Variants in PRKG1 observed in about 807,000 individuals in gnomAD.
PRKG1 encodes the protein protein kinase cGMP-dependent 1, also known as cGMP-dependent protein kinase 1.
A neutral mutation model predicts 88.1 loss-of-function variants in PRKG1; 35 were observed. The observed-to-expected ratio is 0.40, with a 90% confidence interval of 0.30 to 0.53. The LOEUF (loss-of-function observed/expected upper bound fraction) is 0.53, where lower values mean the gene tolerates loss of function less well. PRKG1 is among the 20% of genes least tolerant of loss of function. The pLI is 0.59. For missense variants in PRKG1, 540 were observed against 839.8 expected (o/e 0.64, Z 4.41); for synonymous variants, 303 against 292.5 (o/e 1.04, Z -0.37).
intron 5 of PRKG1, among the ~76,000 whole-genome samples, chr10:52,003,558 TA>T (rs1274937841): frequency 6.6e-6 from 1 of 152,210 alleles, no homozygotes; most frequent in East Asian, 1.9e-4. Flanking sequence ...GTCTTTCTCA[TA>T]TATACATTTA....
At chr10:51,584,087 C>T (rs921544317) in intron 3 of PRKG1, among the ~76,000 whole-genome samples, 1 of 151,988 alleles carries the variant, frequency 6.6e-6, no homozygotes, top group Non-Finnish European at 1.5e-5. Context: ...GTAACATTTC[C>T]CAGGTATTTT....
intron 5 of PRKG1, among the ~76,000 whole-genome samples, chr10:51,957,336 G>A (rs1488056219): frequency 6.7e-6 from 1 of 148,568 alleles, no homozygotes; most frequent in African/African-American, 2.5e-5. Flanking sequence ...AACTCTATCA[G>A]ACTGGAGTAC....
At chr10:51,095,714 AG>A (rs1844511823) in intron 1 of PRKG1, among the ~76,000 whole-genome samples, 1 of 152,170 alleles carries the variant, frequency 6.6e-6, no homozygotes, top group African/African-American at 2.4e-5. Flanking sequence ...TCTGAGTCAA[AG>A]CAAATTAGTT....
intron 5 of PRKG1, among the ~76,000 whole-genome samples, chr10:52,027,528 TAAAC>T (rs927084389): frequency 6.6e-6 from 1 of 152,176 alleles, no homozygotes; most frequent in East Asian, 1.9e-4. Context: ...ACAAGTTTCT[TAAAC>T]AATCCAGAGA....
chr10:52,033,916 TAC>T (rs1314109772), intron 5 of PRKG1, among the ~76,000 whole-genome samples: 32 of 150,538 alleles, frequency 2.1e-4, no homozygotes, highest in Non-Finnish European at 3.4e-4. Flanking sequence ...AAAGGAAAAT[TAC>T]AGTCAAAGGG....
intron 3 of PRKG1, among the ~76,000 whole-genome samples, chr10:51,598,548 G>A (rs1017604841): frequency 4.6e-5 from 7 of 152,296 alleles, no homozygotes; most frequent in Middle Eastern, 3.4e-3. Context: ...GTCAGCCACC[G>A]TGCCTAGCCT....
chr10:51,524,010 G>A (rs575347737), intron 3 of PRKG1, among the ~76,000 whole-genome samples: 13 of 152,110 alleles, frequency 8.5e-5, no homozygotes, highest in Admixed American at 6.5e-4. Context: ...ATCCTCTCTG[G>A]GCTGTTCTCG....
intron 3 of PRKG1, among the ~76,000 whole-genome samples, chr10:51,739,884 G>T (rs751450156): frequency 6.6e-6 from 1 of 152,148 alleles, no homozygotes; most frequent in African/African-American, 2.4e-5. Flanking sequence ...GAGGTGGAAG[G>T]ATCACTTTAT....
chr10:51,886,070 G>A (rs1340852674), intron 4 of PRKG1, among the ~76,000 whole-genome samples: 1 of 152,092 alleles, frequency 6.6e-6, no homozygotes, highest in African/African-American at 2.4e-5. Flanking sequence ...CTGTCACCCA[G>A]GCTGGACTGC....
At chr10:51,030,364 A>T (rs985442060) in intron 1 of PRKG1, among the ~76,000 whole-genome samples, 5 of 152,160 alleles carry the variant, frequency 3.3e-5, no homozygotes, top group African/African-American at 9.7e-5. Context: ...ACACTAAGGG[A>T]TCACATAAAT....
At chr10:51,547,119 C>G (rs892548245) in intron 3 of PRKG1, among the ~76,000 whole-genome samples, 1 of 151,960 alleles carries the variant, frequency 6.6e-6, no homozygotes, top group African/African-American at 2.4e-5. Flanking sequence ...TATATTCACC[C>G]TAATATATAC....
intron 9 of PRKG1, among the ~76,000 whole-genome samples, chr10:52,246,008 C>T (rs1017324369): frequency 2.0e-5 from 3 of 151,990 alleles, no homozygotes; most frequent in Non-Finnish European, 4.4e-5. Flanking sequence ...TGAGTTACTT[C>T]TGTTATTGGA....
intron 2 of PRKG1, among the ~76,000 whole-genome samples, chr10:51,365,211 TATC>T (rs1044033578): frequency 6.6e-6 from 1 of 151,986 alleles, no homozygotes; most frequent in African/African-American, 2.4e-5. Context: ...CTGTTGTCAC[TATC>T]ATCATCATCT....
chr10:51,459,609 A>C (rs1199809112), intron 2 of PRKG1, among the ~76,000 whole-genome samples: 1 of 152,174 alleles, frequency 6.6e-6, no homozygotes, highest in Admixed American at 6.5e-5. Context: ...CCTAGGAAAT[A>C]AGATACTATT....
intron 2 of PRKG1, among the ~76,000 whole-genome samples, chr10:51,444,562 G>T (rs1328843846): frequency 6.6e-6 from 1 of 151,878 alleles, no homozygotes; most frequent in African/African-American, 2.4e-5. Context: ...GATGGTAAAA[G>T]AAGACAAAGC....
chr10:51,397,012 C>T (rs1337225473), intron 2 of PRKG1, among the ~76,000 whole-genome samples: 3 of 152,100 alleles, frequency 2.0e-5, no homozygotes, highest in Admixed American at 6.5e-5. Context: ...CTGCCTCATT[C>T]GCCTAGTTTC....
chr10:52,160,836 T>C (rs1838258767), intron 8 of PRKG1, among the ~76,000 whole-genome samples: 1 of 152,012 alleles, frequency 6.6e-6, no homozygotes, highest in Admixed American at 6.6e-5. Context: ...TCCATTATAA[T>C]TAGAGATTAT....
intron 2 of PRKG1, among the ~76,000 whole-genome samples, chr10:51,416,613 A>C (rs1342852154): frequency 1.3e-5 from 2 of 152,216 alleles, no homozygotes; most frequent in Non-Finnish European, 2.9e-5. Context: ...ACAAGGAAAC[A>C]TGATAATGCT....
At chr10:52,135,515 A>G (rs1189784889) in intron 8 of PRKG1, among the ~76,000 whole-genome samples, 1 of 152,132 alleles carries the variant, frequency 6.6e-6, no homozygotes, top group Non-Finnish European at 1.5e-5. Flanking sequence ...TTTGGTTAGG[A>G]GTCTAAATTC....
Sources: gnomAD v4.1 joint callset for allele counts (sites outside exome capture counted in the v4.1 genomes callset) on GRCh38, gnomAD v4.1.1 for gene constraint, MANE v1.5 for transcripts, NCBI Gene and HGNC (gene_info 2026-07-23, HGNC 2026-07-21) for gene names.